Variants in COL15A1 observed in about 807,000 individuals in gnomAD.
COL15A1 encodes collagen type XV alpha 1 chain.
COL15A1 carries 111 observed loss-of-function variants against 165.9 expected under a neutral mutation model. The observed-to-expected ratio is 0.67, with a 90% confidence interval of 0.57 to 0.78. The LOEUF (loss-of-function observed/expected upper bound fraction) is 0.78, where lower values mean the gene tolerates loss of function less well. COL15A1 is among the 30% of genes least tolerant of loss of function. The pLI is 0.00. For synonymous variants in COL15A1, 659 were observed against 674.8 expected (o/e 0.98, Z 0.36); for missense variants, 1,745 against 1,789.7 (o/e 0.98, Z 0.45).
intron 9 of COL15A1, among the ~76,000 whole-genome samples, chr9:99,008,537 C>A (rs1404975219): frequency 6.6e-6 from 1 of 152,180 alleles, no homozygotes; most frequent in Middle Eastern, 3.2e-3. Flanking sequence ...GTTAAGAATA[C>A]TCACAACTAA....
chr9:99,068,651 A>G lies in COL15A1; in HGVS notation c.3934A>G (p.Ile1312Val). The G allele has an allele frequency of 6.4e-7, 1 of 1,559,986 alleles. No individual in the cohort carries two copies. The highest frequency in any genetic ancestry group is 8.6e-7 in the Non-Finnish European group (1 of 1,158,410). ...AATATACTCCTTTGATGGTCGAGACATAATGACAGATCCTTCTTGGTAAGT... is the reference window on the plus strand; with the variant it reads ...AATATACTCCTTTGATGGTCGAGACGTAATGACAGATCCTTCTTGGTAAGT... ...IPIYSFDGRD[I>V]MTDPSWPQKV... is the part of the protein sequence containing the mutation. Residue 1312 changes from isoleucine to valine, a missense_variant, in exon 41 of 42, where the codon ATA becomes GTA. Coordinates refer to ENST00000375001, the MANE Select transcript of COL15A1 (RefSeq NM_001855.5).
chr9:98,947,853 A>G (rs1476299094), intron 2 of COL15A1, among the ~76,000 whole-genome samples: 1 of 152,128 alleles, frequency 6.6e-6, no homozygotes, highest in Non-Finnish European at 1.5e-5. Flanking sequence ...GGGTCTTTGT[A>G]AACTTCCTGA....
chr9:99,052,103 G>A (rs921955839), intron 30 of COL15A1, among the ~76,000 whole-genome samples: 4 of 152,216 alleles, frequency 2.6e-5, no homozygotes, highest in African/African-American at 9.6e-5. Context: ...ACGATTTGTT[G>A]TCTTAAAGCT....
chr9:99,047,673 C>G, intron 26 of COL15A1, 113 bp from the exon 27 acceptor site: 3 of 1,114,638 alleles, frequency 2.7e-6, no homozygotes, highest in Non-Finnish European at 4.1e-6. Context: ...GCCCTCCTTC[C>G]TCCTGTCAGT....
intron 9 of COL15A1, among the ~76,000 whole-genome samples, chr9:99,007,681 C>T (rs1054672675): frequency 1.3e-5 from 2 of 152,148 alleles, no homozygotes; most frequent in African/African-American, 4.8e-5. Flanking sequence ...CATCAGTAGG[C>T]AGGTATGAAA....
At chr9:99,039,960 G>A (rs904414673) in intron 22 of COL15A1, among the ~76,000 whole-genome samples, 1 of 152,176 alleles carries the variant, frequency 6.6e-6, no homozygotes, top group African/African-American at 2.4e-5. Flanking sequence ...ATCTAGTGCT[G>A]CCCCAAGATT....
chr9:98,946,030 T>A (rs1012766894), intron 2 of COL15A1, among the ~76,000 whole-genome samples: 3 of 152,238 alleles, frequency 2.0e-5, no homozygotes, highest in African/African-American at 7.2e-5. Context: ...TTGCAACTGA[T>A]GGGTTTTCAG....
In COL15A1 at chr9:99,034,524, ATGTTTT is replaced by A; in HGVS notation, c.2044-11_2044-6del. 1.3e-6 allele frequency: 2 copies of A among 1,523,386 alleles called. No individual in the cohort carries two copies. The highest frequency in any genetic ancestry group is 1.2e-5 in the South Asian group (1 of 82,896). 94.4% of individuals were successfully genotyped at this position (1,523,386 alleles called of 1,614,324 possible). A position where few individuals can be genotyped will look rare whatever the true frequency, so the allele number is the denominator to read the frequency against. On this transcript the variant is annotated intron_variant, in intron 16 of 41. Transcript: ENST00000375001. ...TCATGACATATGCATTAATTGGTCC[ATGTTTT>A]TGTTTTTGTTTTTTTCAGGGAGCAA... is the stretch of plus-strand genomic sequence containing the variant.
chr9:99,023,321 T>TC (rs1839058823), intron 13 of COL15A1, 36 bp from the exon 14 acceptor site: 1 of 1,571,156 alleles, frequency 6.4e-7, no homozygotes, highest in East Asian at 2.3e-5. Flanking sequence ...AGTCTGGCAG[T>TC]TAAATGCAAG....
At chr9:99,053,128 G>T (rs1839618336) in intron 31 of COL15A1, among the ~76,000 whole-genome samples, 1 of 152,262 alleles carries the variant, frequency 6.6e-6, no homozygotes, top group Admixed American at 6.5e-5. Context: ...GCACAGGCCA[G>T]GGGATGGGGC....
chr9:98,962,054 G>A (rs767655820), intron 2 of COL15A1, among the ~76,000 whole-genome samples: 1 of 152,212 alleles, frequency 6.6e-6, no homozygotes, highest in Non-Finnish European at 1.5e-5. Flanking sequence ...AGTCAGTCCT[G>A]GCTTTGGAAA....
At chr9:99,035,188 A>G (rs1209797186) in intron 18 of COL15A1, 34 bp downstream of exon 18, 1 of 1,579,182 alleles carries the variant, frequency 6.3e-7, no homozygotes, top group Non-Finnish European at 8.6e-7. Flanking sequence ...TATAAAAATG[A>G]TGTGTACTAA....
chr9:98,971,233 G>A (rs913545602), intron 2 of COL15A1, among the ~76,000 whole-genome samples: 18 of 152,174 alleles, frequency 1.2e-4, no homozygotes, highest in African/African-American at 2.9e-4. Context: ...GAGCATCCAT[G>A]TCCAGCAGGT....
chr9:99,008,262 G>A (rs192471471), intron 9 of COL15A1, among the ~76,000 whole-genome samples: 3 of 152,076 alleles, frequency 2.0e-5, no homozygotes, highest in Admixed American at 6.5e-5. Flanking sequence ...GAAAACTTGG[G>A]GCTCCTGGAC....
chr9:99,048,190 A>AGTGG (rs1243940371), intron 28 of COL15A1, among the ~76,000 whole-genome samples, 190 bp downstream of exon 28: 1 of 152,082 alleles, frequency 6.6e-6, no homozygotes, highest in Non-Finnish European at 1.5e-5. Flanking sequence ...GCCACCTAAA[A>AGTGG]CACCTTAGTG....
chr9:98,958,674 T>G (rs1006898166), intron 2 of COL15A1, among the ~76,000 whole-genome samples: 1 of 152,214 alleles, frequency 6.6e-6, no homozygotes, highest in Non-Finnish European at 1.5e-5. Flanking sequence ...AGTGGCTTTA[T>G]TTGTTTAATA....
Position 98,964,430 on chromosome 9 carries a change from C to T in COL15A1, c.100+20180C>T, listed in dbSNP as rs369626578. 1.7e-4 allele frequency among the ~76,000 whole-genome samples: 26 copies of T among 152,360 alleles called. No individual in the cohort carries two copies. The East Asian group carries it at 4.6e-3, about 27-fold the overall frequency. On this transcript the variant is annotated intron_variant, in intron 2 of 41. Coordinates refer to ENST00000375001, the MANE Select transcript of COL15A1 (RefSeq NM_001855.5). ...TCTGGCTGTTCCCTTAAACTCAAAT[C>T]CCATTTTGGAGCCAAATGGGGCTCC...
chr9:99,043,842 C>A (rs1419451997), intron 24 of COL15A1, among the ~76,000 whole-genome samples: 1 of 152,204 alleles, frequency 6.6e-6, no homozygotes. Flanking sequence ...ATCATCTTCT[C>A]AGCAGCCTCT....
At chr9:99,034,624 T>TCTCCCTC (rs11281933) in intron 17 of COL15A1, 40 bp downstream of exon 17, 893,837 of 1,409,492 alleles carry the variant, frequency 0.63, 288,665 homozygotes, top group East Asian at 0.93. Context: ...AGAACTTTCT[T>TCTCCCTC]CTCCCTCCTC....
Sources: gnomAD v4.1 joint callset for allele counts (sites outside exome capture counted in the v4.1 genomes callset) on GRCh38, gnomAD v4.1.1 for gene constraint, MANE v1.5 for transcripts, NCBI Gene and HGNC (gene_info 2026-07-23, HGNC 2026-07-21) for gene names.